CNTNAP5: variants seen among roughly 807,000 people sequenced by gnomAD.
The protein encoded by CNTNAP5 is contactin associated protein family member 5.
A neutral mutation model predicts 150.2 loss-of-function variants in CNTNAP5; 72 were observed. The observed-to-expected ratio is 0.48, with a 90% CI of 0.40 to 0.58. CNTNAP5 has a LOEUF of 0.58. Ranked by LOEUF, CNTNAP5 falls within the 20% of genes least tolerant of loss-of-function variation. The pLI is 0.00. For synonymous variants in CNTNAP5, 672 were observed against 619.8 expected (o/e 1.08, Z -1.25); for missense variants, 1,636 against 1,626.2 (o/e 1.01, Z -0.10).
chr2:124,748,490 G>C (rs917133349), intron 14 of CNTNAP5, among the ~76,000 whole-genome samples: 9 of 152,056 alleles, frequency 5.9e-5, no homozygotes, highest in African/African-American at 2.2e-4. Context: ...ATATACTTTT[G>C]TTTTGACTGA....
intron 19 of CNTNAP5, among the ~76,000 whole-genome samples, chr2:124,831,712 G>T (rs1682720369): frequency 1.3e-5 from 2 of 150,838 alleles, no homozygotes; most frequent in South Asian, 4.2e-4. Flanking sequence ...TCTCTCAATT[G>T]AAAATGACCC....
chr2:124,247,475 A>C (rs55937534), intron 3 of CNTNAP5, among the ~76,000 whole-genome samples: 1 of 152,168 alleles, frequency 6.6e-6, no homozygotes, highest in East Asian at 1.9e-4. Context: ...GTTCCTGGCA[A>C]TATATGAATG....
intron 11 of CNTNAP5, among the ~76,000 whole-genome samples, chr2:124,599,218 C>T (rs950410669): frequency 6.6e-6 from 1 of 152,196 alleles, no homozygotes; most frequent in African/African-American, 2.4e-5. Context: ...TCGTGGTCTG[C>T]AGTATGAGGA....
At chr2:124,772,733 T>C (rs1681230974) in intron 16 of CNTNAP5, 66 bp from the exon 17 acceptor site, 2 of 1,255,662 alleles carry the variant, frequency 1.6e-6, no homozygotes, top group Non-Finnish European at 2.3e-6. Flanking sequence ...TTTCTCCCAC[T>C]CAAGCCTGTG....
At chr2:124,575,439 T>C (rs1472640751) in intron 11 of CNTNAP5, among the ~76,000 whole-genome samples, 1 of 152,216 alleles carries the variant, frequency 6.6e-6, no homozygotes, top group Non-Finnish European at 1.5e-5. Flanking sequence ...GGAACGCTCT[T>C]GGGTCACAAA....
At chr2:124,123,559 T>C (rs1223744580) in intron 1 of CNTNAP5, among the ~76,000 whole-genome samples, 1 of 152,098 alleles carries the variant, frequency 6.6e-6, no homozygotes, top group East Asian at 1.9e-4. Flanking sequence ...AGAGTAGTGG[T>C]TCTCCCAACA....
intron 10 of CNTNAP5, among the ~76,000 whole-genome samples, chr2:124,528,451 C>T (rs998518230): frequency 1.3e-5 from 2 of 152,100 alleles, no homozygotes; most frequent in African/African-American, 4.8e-5. Flanking sequence ...GGGAGATTGG[C>T]ATAGAAGCAG....
chr2:124,212,062 A>T (rs938593853), intron 1 of CNTNAP5, among the ~76,000 whole-genome samples: 1 of 152,192 alleles, frequency 6.6e-6, no homozygotes, highest in African/African-American at 2.4e-5. Context: ...TACTCAATGA[A>T]CAGAAATACT....
intron 13 of CNTNAP5, among the ~76,000 whole-genome samples, chr2:124,731,185 A>T (rs1553436337): frequency 6.6e-6 from 1 of 152,054 alleles, no homozygotes; most frequent in Non-Finnish European, 1.5e-5. Context: ...TGAATAGAGA[A>T]TTTTTGTTTG....
chr2:124,336,344 CTGTT>C (rs1689467030), intron 3 of CNTNAP5, among the ~76,000 whole-genome samples: 1 of 152,104 alleles, frequency 6.6e-6, no homozygotes, highest in African/African-American at 2.4e-5. Flanking sequence ...CAGTAGCACT[CTGTT>C]TGTCCAAATG....
At chr2:124,366,308 C>T (rs1176080713) in intron 3 of CNTNAP5, among the ~76,000 whole-genome samples, 1 of 152,154 alleles carries the variant, frequency 6.6e-6, no homozygotes, top group Non-Finnish European at 1.5e-5. Flanking sequence ...ACGGTACGTA[C>T]TTTCTTTTTT....
intron 5 of CNTNAP5, among the ~76,000 whole-genome samples, chr2:124,445,631 G>T (rs1002253728): frequency 6.6e-6 from 1 of 152,106 alleles, no homozygotes; most frequent in African/African-American, 2.4e-5. Context: ...AATGCCTTGG[G>T]CCATAATGGA....
chr2:124,670,791 C>T (rs1402734177), intron 13 of CNTNAP5, among the ~76,000 whole-genome samples: 1 of 152,166 alleles, frequency 6.6e-6, no homozygotes, highest in Non-Finnish European at 1.5e-5. Context: ...TAAATAGAAC[C>T]TTCTTAGCAA....
intron 11 of CNTNAP5, among the ~76,000 whole-genome samples, chr2:124,593,148 ATTATAC>A (rs890730352): frequency 1.2e-4 from 17 of 147,332 alleles, no homozygotes; most frequent in African/African-American, 4.2e-4. Context: ...TATTTTTTTA[ATTATAC>A]TTTAAGTTTT....
At chr2:124,758,830 T>A (rs982610234) in intron 14 of CNTNAP5, among the ~76,000 whole-genome samples, 11 of 151,906 alleles carry the variant, frequency 7.2e-5, no homozygotes, top group African/African-American at 2.7e-4. Flanking sequence ...AAGATGAGAT[T>A]CAGGATAAAA....
intron 3 of CNTNAP5, among the ~76,000 whole-genome samples, chr2:124,371,748 C>A (rs1031706761): frequency 6.6e-6 from 1 of 151,424 alleles, no homozygotes; most frequent in African/African-American, 2.4e-5. Flanking sequence ...ACATACTATA[C>A]ATAAATTCTT....
chr2:124,418,441 A>G (rs1427307310), intron 4 of CNTNAP5, among the ~76,000 whole-genome samples: 1 of 152,190 alleles, frequency 6.6e-6, no homozygotes, highest in African/African-American at 2.4e-5. Flanking sequence ...ATCAGAATCA[A>G]TAGGAGTGTT....
intron 12 of CNTNAP5, among the ~76,000 whole-genome samples, chr2:124,619,476 G>A (rs917475540): frequency 2.0e-5 from 3 of 152,056 alleles, no homozygotes. Context: ...TCTGCCCTTG[G>A]GGTGATGGTT....
rs140067907 is a variant in CNTNAP5 at position 124,333,328 on chromosome 2, A to G, written c.382-84115A>G. On this transcript the variant is annotated intron_variant, in intron 3 of 23. Coordinates refer to ENST00000682447, the MANE Select transcript of CNTNAP5 (RefSeq NM_001367498.1). Reference sequence around the variant, plus strand: ...AACAAAAAAACAAAATAAAAGGACAATTGGATACAAACTGTGTCTTTGTAA... The same window carrying G: ...AACAAAAAAACAAAATAAAAGGACAGTTGGATACAAACTGTGTCTTTGTAA... 2.2e-3 allele frequency among the ~76,000 whole-genome samples: 341 copies of G among 152,240 alleles called. 5 individuals carry two copies. The highest frequency in any genetic ancestry group is 0.01 in the Middle Eastern group (3 of 294).
Sources: allele counts gnomAD v4.1 joint callset (sites outside exome capture counted in the v4.1 genomes callset), GRCh38; gene constraint gnomAD v4.1.1; transcripts MANE v1.5; gene names NCBI Gene and HGNC (gene_info 2026-07-23, HGNC 2026-07-21).